Variants in PCSK5 observed in about 807,000 individuals in gnomAD.
The protein encoded by PCSK5 is proprotein convertase subtilisin/kexin type 5.
A neutral mutation model predicts 233.2 loss-of-function variants in PCSK5; 129 were observed. That is an observed-to-expected ratio of 0.55 (90% CI 0.48 to 0.64). The LOEUF is 0.64. Among genes scored for constraint, PCSK5 ranks in the 30% least tolerant of loss-of-function variants. The pLI, the probability that PCSK5 is intolerant of heterozygous loss-of-function variation, is 0.00. For missense variants in PCSK5, 2,076 were observed against 2,430.1 expected (o/e 0.85, Z 3.06); for synonymous variants, 825 against 879.2 (o/e 0.94, Z 1.09).
At chr9:75,972,113 C>T (rs576276142) in intron 2 of PCSK5, among the ~76,000 whole-genome samples, 2 of 152,316 alleles carry the variant, frequency 1.3e-5, no homozygotes, top group Non-Finnish European at 1.5e-5. Flanking sequence ...CCAGTTCTCC[C>T]AGCATCATTT....
At chr9:75,931,549 T>C (rs1366225986) in intron 1 of PCSK5, among the ~76,000 whole-genome samples, 1 of 152,238 alleles carries the variant, frequency 6.6e-6, no homozygotes, top group African/African-American at 2.4e-5. Flanking sequence ...CTGTCTTCAA[T>C]GCATAGTTCA....
At chr9:76,344,426 T>G (rs1829922717) in intron 35 of PCSK5, among the ~76,000 whole-genome samples, 1 of 152,210 alleles carries the variant, frequency 6.6e-6, no homozygotes, top group South Asian at 2.1e-4. Context: ...CATTCACAAT[T>G]GACTCCAGCA....
chr9:76,258,062 G>A (rs1827041022), intron 24 of PCSK5, among the ~76,000 whole-genome samples: 2 of 152,148 alleles, frequency 1.3e-5, no homozygotes, highest in Non-Finnish European at 2.9e-5. Flanking sequence ...CCCAGGTACA[G>A]GGAGGGCCCT....
chr9:75,932,236 A>G, intron 1 of PCSK5, 143 bp from the exon 2 acceptor site: 1 of 612,314 alleles, frequency 1.6e-6, no homozygotes, highest in South Asian at 2.1e-5. Context: ...TTCAGGTAAC[A>G]TTTAAGCACA....
intron 5 of PCSK5, among the ~76,000 whole-genome samples, chr9:76,066,754 A>G (rs1000250518): frequency 6.6e-6 from 1 of 152,236 alleles, no homozygotes; most frequent in African/African-American, 2.4e-5. Flanking sequence ...ATGTGTACCT[A>G]TCAGTTGTAA....
At chr9:75,954,555 T>G (rs1471665792) in intron 2 of PCSK5, among the ~76,000 whole-genome samples, 1 of 152,192 alleles carries the variant, frequency 6.6e-6, no homozygotes, top group Non-Finnish European at 1.5e-5. Context: ...TCAAATTTAC[T>G]CATAATTGTA....
intron 5 of PCSK5, among the ~76,000 whole-genome samples, chr9:76,056,468 G>A (rs1377940893): frequency 2.0e-5 from 3 of 151,880 alleles, no homozygotes; most frequent in African/African-American, 7.3e-5. Flanking sequence ...ACCCCATGAA[G>A]GCCCTACACT....
chr9:75,957,022 A>G (rs1388970901), intron 2 of PCSK5, among the ~76,000 whole-genome samples: 1 of 152,120 alleles, frequency 6.6e-6, no homozygotes, highest in Non-Finnish European at 1.5e-5. Context: ...GAGAGGGAAA[A>G]TTCATAGAAG....
chr9:76,257,236 A>G (rs988682124), intron 24 of PCSK5, among the ~76,000 whole-genome samples: 4 of 152,076 alleles, frequency 2.6e-5, no homozygotes, highest in African/African-American at 9.7e-5. Flanking sequence ...CCATCTCCCT[A>G]TGCCACAACC....
intron 24 of PCSK5, among the ~76,000 whole-genome samples, chr9:76,260,873 C>A (rs1827150993): frequency 6.6e-6 from 1 of 152,136 alleles, no homozygotes; most frequent in Non-Finnish European, 1.5e-5. Flanking sequence ...GTACTTGGCA[C>A]ATGGGAAGGG....
intron 29 of PCSK5, among the ~76,000 whole-genome samples, chr9:76,310,212 C>T (rs753155343): frequency 2.7e-5 from 4 of 150,340 alleles, no homozygotes; most frequent in Non-Finnish European, 4.4e-5. Flanking sequence ...CGCACCAGTG[C>T]ACTCCAGCCT....
intron 20 of PCSK5, among the ~76,000 whole-genome samples, chr9:76,216,975 G>A (rs1825557415): frequency 6.6e-6 from 1 of 152,082 alleles, no homozygotes; most frequent in Non-Finnish European, 1.5e-5. Context: ...CAAGTAGCTG[G>A]GACTACAGGC....
At chr9:75,958,309 G>A (rs1055538987) in intron 2 of PCSK5, among the ~76,000 whole-genome samples, 2 of 152,168 alleles carry the variant, frequency 1.3e-5, no homozygotes, top group African/African-American at 4.8e-5. Flanking sequence ...GCTCGATAGT[G>A]TTCAAGGCCT....
chr9:76,303,742 G>T (rs1828690882), intron 28 of PCSK5, among the ~76,000 whole-genome samples: 1 of 152,182 alleles, frequency 6.6e-6, no homozygotes, highest in Admixed American at 6.5e-5. Flanking sequence ...GACAGAATCG[G>T]TTACTTTGAG....
At chr9:76,056,060 TGC>T in intron 5 of PCSK5, among the ~76,000 whole-genome samples, 1 of 152,242 alleles carries the variant, frequency 6.6e-6, no homozygotes, top group East Asian at 1.9e-4. Context: ...ATTTAAAACC[TGC>T]AAGAAAGAAT....
At chr9:75,942,142 G>T (rs1199620203) in intron 2 of PCSK5, among the ~76,000 whole-genome samples, 1 of 152,186 alleles carries the variant, frequency 6.6e-6, no homozygotes, top group Non-Finnish European at 1.5e-5. Flanking sequence ...CTCGTTGCCT[G>T]CCCGGAGCAG....
At chr9:76,156,416 G>A (rs572786332) in intron 10 of PCSK5, among the ~76,000 whole-genome samples, 2 of 152,150 alleles carry the variant, frequency 1.3e-5, no homozygotes. Flanking sequence ...AATAAATTTT[G>A]TATATGCTAG....
rs767201438 is a variant in PCSK5 at position 76,034,903 on chromosome 9, G to A, written c.632+7866G>A. ...CTAGATGAGTGAGCAAAATGTGTCC[G>A]AATTGAAGTTGCTGACCGATTAAAT... is the stretch of plus-strand genomic sequence containing the variant. On this transcript the variant is annotated intron_variant, in intron 5 of 37. Transcript: ENST00000674117. 2.5e-4 allele frequency among the ~76,000 whole-genome samples: 38 copies of A among 152,136 alleles called. 1 individual carries two copies. The highest frequency in any genetic ancestry group is 1.9e-4 in the East Asian group (1 of 5,194).
At chr9:75,928,640 A>AT (rs1564088178) in intron 1 of PCSK5, among the ~76,000 whole-genome samples, 4 of 69,644 alleles carry the variant, frequency 5.7e-5, no homozygotes, top group Admixed American at 1.6e-4. Flanking sequence ...TATATATATA[A>AT]TCCTAGAAGG....
Sources: allele counts gnomAD v4.1 joint callset (sites outside exome capture counted in the v4.1 genomes callset), GRCh38; gene constraint gnomAD v4.1.1; transcripts MANE v1.5; gene names NCBI Gene and HGNC (gene_info 2026-07-23, HGNC 2026-07-21).